PLIN3: variants seen among roughly 807,000 people sequenced by gnomAD.
PLIN3 encodes the protein perilipin 3.
PLIN3 carries 30 observed loss-of-function variants against 35.9 expected under a neutral mutation model. That is an observed-to-expected ratio of 0.84 (90% CI 0.62 to 1.13). The LOEUF is 1.13. Ranked by LOEUF, PLIN3 falls within the 50% of genes most tolerant of loss-of-function variation. The pLI, the probability that PLIN3 is intolerant of heterozygous loss-of-function variation, is 0.00. For missense variants in PLIN3, 603 were observed against 596.9 expected (o/e 1.01, Z -0.11); for synonymous variants, 261 against 262.5 (o/e 0.99, Z 0.06).
chr19:4,847,575 C>T (rs986649120), intron 6 of PLIN3, 116 bp downstream of exon 6: 16 of 837,226 alleles, frequency 1.9e-5, no homozygotes, highest in Admixed American at 1.2e-4. Flanking sequence ...CAGGAGCAAG[C>T]GGGAATGGCC....
intron 4 of PLIN3, among the ~76,000 whole-genome samples, chr19:4,856,705 G>GTTTTT: frequency 7.9e-6 from 1 of 126,370 alleles, no homozygotes; most frequent in Non-Finnish European, 1.7e-5. Context: ...GAAGGAGGGT[G>GTTTTT]TTTTTTTTTT....
intron 7 of PLIN3, among the ~76,000 whole-genome samples, chr19:4,841,838 G>A (rs1308929689): frequency 1.4e-5 from 2 of 146,820 alleles, no homozygotes; most frequent in Non-Finnish European, 3.0e-5. Context: ...CCGGGAGGCG[G>A]AGCTTGCAGT....
At position 4,859,686 on chromosome 19, in the gene PLIN3, T is replaced by C. The variant is rs775462776; in HGVS notation, c.266-14A>G. ...TGGCTGATGCAACTGCCAACAACAA[T>C]TAAGACGCAAATGTGACTGCTGGAA... On this transcript the variant is annotated splice_polypyrimidine_tract_variant and intron_variant, in intron 3 of 7. Coordinates refer to ENST00000221957, the MANE Select transcript of PLIN3 (RefSeq NM_005817.5). 68 of 1,613,572 alleles carry C rather than the reference T, an allele frequency of 4.2e-5. No homozygotes were observed. In the Admixed American group the frequency reaches 1.1e-3, roughly 27 times the overall value.
At position 4,839,200 on chromosome 19, in the gene PLIN3, T is replaced by C. The variant is rs768566079; in HGVS notation, c.1297A>G (p.Lys433Glu). ...PGITEKAPEE[K>E]K ...AGTCCTCTCCTCTCCCCCTACTTCT[T>C]CTCCTCCGGGGCTTTCTCAGTGATT... is the stretch of plus-strand genomic sequence containing the variant. Residue 433 changes from lysine (K) to glutamate (E), a missense_variant, in exon 8 of 8, where the codon AAG (lysine) becomes GAG (glutamate). By Grantham distance (56) the Lys-to-Glu change is moderately conservative. Transcript: ENST00000221957. 2.2e-5 allele frequency: 35 copies of C among 1,601,166 alleles called. No homozygotes were observed. Among genetic ancestry groups the C allele is most frequent in the Non-Finnish European group, 2.4e-5 (28 of 1,170,440 alleles).
intron 7 of PLIN3, among the ~76,000 whole-genome samples, chr19:4,843,987 T>C (rs531098492): frequency 5.9e-5 from 9 of 152,338 alleles, no homozygotes; most frequent in Non-Finnish European, 1.3e-4. Flanking sequence ...TTCTGTTTTT[T>C]GAGACAGAAT....
intron 5 of PLIN3, among the ~76,000 whole-genome samples, chr19:4,849,365 C>T (rs144395423): frequency 2.7e-5 from 4 of 148,704 alleles, no homozygotes; most frequent in Admixed American, 1.3e-4. Flanking sequence ...TGGAGTGCAG[C>T]GGTGCAATCA....
chr19:4,852,440 A>G (rs906902400), intron 4 of PLIN3, 139 bp from the exon 5 acceptor site: 3 of 1,030,828 alleles, frequency 2.9e-6, no homozygotes, highest in Non-Finnish European at 4.2e-6. Context: ...TTCCCTCTGT[A>G]TGTGGGCACC....
Position 4,840,167 on chromosome 19 carries a change from C to T in PLIN3, c.961-631G>A. On this transcript the variant is annotated intron_variant, in intron 7 of 7. Transcript: ENST00000221957. ...ATTTTTAGTACAGATGGGGTTTCAC[C>T]ATGTTGGCCAGGCTGGTCTTGAACT... Among the ~76,000 whole-genome samples the T allele has an allele frequency of 1.3e-5, 2 of 152,042 alleles. 1 individual carries two copies. The highest frequency in any genetic ancestry group is 2.9e-5 in the Non-Finnish European group (2 of 68,012).
intron 2 of PLIN3, among the ~76,000 whole-genome samples, chr19:4,861,081 G>C (rs2030658672): frequency 6.6e-6 from 1 of 152,190 alleles, no homozygotes; most frequent in South Asian, 2.1e-4. Context: ...ATTTGGCTCA[G>C]GGGTTGGGGA....
At chr19:4,854,626 C>T (rs1333572112) in intron 4 of PLIN3, among the ~76,000 whole-genome samples, 2 of 151,924 alleles carry the variant, frequency 1.3e-5, no homozygotes, top group East Asian at 1.9e-4. Context: ...CATGAGCCAA[C>T]GCCCCCGATG....
At position 4,859,456 on chromosome 19, in the gene PLIN3, G is replaced by A. The variant is rs2030591255; in HGVS notation, c.348+134C>T. ...GCTACCCTGTGGGGAGTGGATTCGGGGTGGGGATGGGAACCGACAGGAGAG... is the reference window on the plus strand; with the variant it reads ...GCTACCCTGTGGGGAGTGGATTCGGAGTGGGGATGGGAACCGACAGGAGAG... On this transcript the variant is annotated intron_variant, in intron 4 of 7. Transcript: ENST00000221957. 4 of 755,958 alleles carry A rather than the reference G, an allele frequency of 5.3e-6. No individual in the cohort carries two copies. The East Asian group carries it at 1.0e-4, about 19-fold the overall frequency. The allele number at this position is 755,958 out of a possible 1,614,324, so 46.8% of individuals were successfully genotyped here. A position where few individuals can be genotyped will look rare whatever the true frequency, so the allele number is the denominator to read the frequency against.
chr19:4,844,748 G>A lies in PLIN3; in HGVS notation c.880C>T (p.Gln294Ter), dbSNP rs753943140. ...QGVDQKLVEGQEKLHQMWLSW... is the reference protein window; with the variant it reads ...QGVDQKLVEG ...AGCCACATCTGGTGCAGCTTCTCCTGGCCTTCCACCAGCTTCTGATCAACG... is the reference window on the plus strand; with the variant it reads ...AGCCACATCTGGTGCAGCTTCTCCTAGCCTTCCACCAGCTTCTGATCAACG... The change falls in exon 7 of 8, where the codon CAG (glutamine) becomes TAG (stop). Residue 294 changes from glutamine (Q) to a stop codon, truncating the protein, a stop_gained. Coordinates refer to ENST00000221957, the MANE Select transcript of PLIN3 (RefSeq NM_005817.5). LOFTEE classifies it high-confidence loss of function. 2 of 1,603,674 alleles carry A rather than the reference G, an allele frequency of 1.2e-6. No individual in the cohort carries two copies. Among genetic ancestry groups the A allele is most frequent in the East Asian group, 2.2e-5 (1 of 44,630 alleles).
chr19:4,853,856 G>T (rs1294240741), intron 4 of PLIN3, among the ~76,000 whole-genome samples: 1 of 151,318 alleles, frequency 6.6e-6, no homozygotes, highest in African/African-American at 2.4e-5. Context: ...GCTTTGCATG[G>T]AATCCTTTGA....
At chr19:4,843,375 G>A (rs900469129) in intron 7 of PLIN3, among the ~76,000 whole-genome samples, 2 of 151,946 alleles carry the variant, frequency 1.3e-5, no homozygotes, top group African/African-American at 2.4e-5. Flanking sequence ...GGGCCTGGTG[G>A]CGGGCGCCTG....
At chr19:4,855,360 T>A (rs980641703) in intron 4 of PLIN3, among the ~76,000 whole-genome samples, 2 of 150,104 alleles carry the variant, frequency 1.3e-5, no homozygotes, top group East Asian at 4.0e-4. Context: ...GTTGGCCTCC[T>A]ACGCTATCAG....
chr19:4,841,785 G>A (rs1329471297), intron 7 of PLIN3, among the ~76,000 whole-genome samples: 5 of 150,674 alleles, frequency 3.3e-5, no homozygotes, highest in Admixed American at 1.3e-4. Context: ...GGAGCCTGTA[G>A]TCCTAGTTAC....
rs186137138 is a variant in PLIN3 at position 4,863,331 on chromosome 19, C to G, written c.-17-1920G>C. On this transcript the variant is annotated intron_variant, in intron 1 of 7. Transcript: ENST00000221957. The stretch of plus-strand genomic sequence containing the variant: ...TGACCAACATGGAGAAACCCCATCT[C>G]TACTAAAAATATAAAATTAGCCAGG... Among the ~76,000 whole-genome samples, 492 of 150,898 alleles carry G rather than the reference C, an allele frequency of 3.3e-3. 8 individuals carry two copies. The South Asian group carries it at 0.034, about 10-fold the overall frequency.
chr19:4,862,829 A>T (rs1004632245), intron 1 of PLIN3, among the ~76,000 whole-genome samples: 1 of 152,152 alleles, frequency 6.6e-6, no homozygotes, highest in African/African-American at 2.4e-5. Flanking sequence ...ATGACACTGG[A>T]AACAACCTGG....
At chr19:4,861,819 G>A (rs1247359128) in intron 1 of PLIN3, among the ~76,000 whole-genome samples, 1 of 151,902 alleles carries the variant, frequency 6.6e-6, no homozygotes, top group Non-Finnish European at 1.5e-5. Flanking sequence ...ATTTTTAGTA[G>A]AGACGGGGTT....
Sources: gnomAD v4.1 joint callset for allele counts (sites outside exome capture counted in the v4.1 genomes callset) on GRCh38, gnomAD v4.1.1 for gene constraint, MANE v1.5 for transcripts, NCBI Gene and HGNC (gene_info 2026-07-23, HGNC 2026-07-21) for gene names.